Variants in AMBRA1 observed in about 807,000 individuals in gnomAD.
AMBRA1 encodes activating molecule in BECN1-regulated autophagy protein 1.
Under a neutral mutation model 125.4 loss-of-function variants are expected in AMBRA1, and 47 were observed. The ratio of observed to expected loss-of-function variants is 0.37; its 90% confidence interval spans 0.30 to 0.48. AMBRA1 has a LOEUF of 0.48. Ranked by LOEUF, AMBRA1 falls within the 20% of genes least tolerant of loss-of-function variation. The pLI is 0.99. For synonymous variants in AMBRA1, 626 were observed against 655.5 expected (o/e 0.95, Z 0.69); for missense variants, 1,331 against 1,693.4 (o/e 0.79, Z 3.76).
At chr11:46,445,107 ATT>A (rs1948219423) in intron 11 of AMBRA1, among the ~76,000 whole-genome samples, 1 of 151,998 alleles carries the variant, frequency 6.6e-6, no homozygotes, top group African/African-American at 2.4e-5. Context: ...TAGTGTAATC[ATT>A]TGTTCCCCTC....
chr11:46,486,805 C>T (rs1950281053), intron 11 of AMBRA1, among the ~76,000 whole-genome samples: 1 of 152,046 alleles, frequency 6.6e-6, no homozygotes, highest in Non-Finnish European at 1.5e-5. Flanking sequence ...ACTTGGGAGG[C>T]TGAGGCAGGA....
At chr11:46,568,549 G>T (rs2043625969) in intron 1 of AMBRA1, among the ~76,000 whole-genome samples, 1 of 151,744 alleles carries the variant, frequency 6.6e-6, no homozygotes, top group South Asian at 2.1e-4. Flanking sequence ...AAGGTGGGTG[G>T]ATCACCTGAG....
intron 11 of AMBRA1, among the ~76,000 whole-genome samples, chr11:46,484,607 A>G (rs749814786): frequency 1.3e-5 from 2 of 151,808 alleles, no homozygotes; most frequent in African/African-American, 4.8e-5. Flanking sequence ...GTGTATACGC[A>G]TTCCCTTTCC....
Position 46,408,683 on chromosome 11 carries a change from G to C in AMBRA1, c.3233C>G (p.Thr1078Arg). Residue 1078 changes from threonine to arginine, a missense_variant, in exon 17 of 18, where the codon ACA becomes AGA. Coordinates refer to ENST00000683756, the MANE Select transcript of AMBRA1 (RefSeq NM_001387011.1). Reference sequence around the variant, plus strand: ...ATTCATCAGCCCCATGTCTCTGTCTGTCCTCCATGTGGCTCTGCTGGTTCT... The same window carrying C: ...ATTCATCAGCCCCATGTCTCTGTCTCTCCTCCATGTGGCTCTGCTGGTTCT... ...RPGTSRATWR[T>R]DRDMGLMNAI... 1 of 1,566,338 alleles carries C rather than the reference G, an allele frequency of 6.4e-7. No individual in the cohort carries two copies. The highest frequency in any genetic ancestry group is 8.7e-7 in the Non-Finnish European group (1 of 1,152,486).
intron 9 of AMBRA1, among the ~76,000 whole-genome samples, chr11:46,505,943 G>A (rs1242310342): frequency 1.3e-5 from 2 of 152,162 alleles, no homozygotes; most frequent in Admixed American, 1.3e-4. Context: ...TGGAAAGAGG[G>A]CTAGGCAATC....
intron 7 of AMBRA1, among the ~76,000 whole-genome samples, 197 bp from the exon 8 acceptor site, chr11:46,513,010 G>A (rs1194109942): frequency 6.6e-6 from 1 of 152,128 alleles, no homozygotes; most frequent in Non-Finnish European, 1.5e-5. Context: ...TCCCACACTG[G>A]ACATGACCAC....
intron 15 of AMBRA1, among the ~76,000 whole-genome samples, chr11:46,412,061 C>T (rs900736569): frequency 6.6e-6 from 1 of 152,182 alleles, no homozygotes; most frequent in African/African-American, 2.4e-5. Flanking sequence ...TCTCCCAGCT[C>T]CTTTTAAGGG....
At chr11:46,439,385 TATATC>T (rs1278252215) in intron 12 of AMBRA1, among the ~76,000 whole-genome samples, 2 of 152,072 alleles carry the variant, frequency 1.3e-5, no homozygotes, top group East Asian at 3.9e-4. Context: ...AGTCCAGAAA[TATATC>T]TAAATACAGA....
chr11:46,494,624 A>T (rs528576703), intron 9 of AMBRA1: 1 of 154,322 alleles, frequency 6.5e-6, no homozygotes, highest in Non-Finnish European at 1.4e-5. Flanking sequence ...GAGGTCTTAA[A>T]GGAAGAAAAA....
chr11:46,493,873 T>C (rs1950546294), intron 10 of AMBRA1, 165 bp from the exon 11 acceptor site: 2 of 650,406 alleles, frequency 3.1e-6, no homozygotes, highest in Admixed American at 5.9e-5. Flanking sequence ...TGTATCTATC[T>C]TTTTCTGCCC....
chr11:46,536,093 T>C (rs1450319481), intron 7 of AMBRA1, among the ~76,000 whole-genome samples: 1 of 152,244 alleles, frequency 6.6e-6, no homozygotes. Context: ...GATATAGTAA[T>C]AGGTTTTTTA....
intron 17 of AMBRA1, among the ~76,000 whole-genome samples, chr11:46,400,472 A>ATTTTTTTT (rs1945688967): frequency 3.4e-5 from 1 of 29,466 alleles, no homozygotes; most frequent in African/African-American, 1.2e-4. Flanking sequence ...TTCTTTCTAT[A>ATTTTTTTT]GTTTTTTTTT....
At chr11:46,520,598 CTT>C (rs148775052) in intron 7 of AMBRA1, among the ~76,000 whole-genome samples, 13 of 140,356 alleles carry the variant, frequency 9.3e-5, no homozygotes, top group Admixed American at 2.1e-4. Context: ...TTTTTCTTTT[CTT>C]TTTTTTTTTT....
chr11:46,484,281 C>G (rs1950185770), intron 11 of AMBRA1, among the ~76,000 whole-genome samples: 1 of 152,184 alleles, frequency 6.6e-6, no homozygotes, highest in Non-Finnish European at 1.5e-5. Context: ...ATTTCTAGAT[C>G]ATTGCATTTG....
intron 11 of AMBRA1, among the ~76,000 whole-genome samples, chr11:46,468,720 G>A (rs1306129487): frequency 6.6e-6 from 1 of 151,540 alleles, no homozygotes; most frequent in East Asian, 1.9e-4. Flanking sequence ...GCTGAGGCAG[G>A]AGAATGGCGT....
At chr11:46,522,147 T>C (rs1230244131) in intron 7 of AMBRA1, among the ~76,000 whole-genome samples, 1 of 152,212 alleles carries the variant, frequency 6.6e-6, no homozygotes, top group African/African-American at 2.4e-5. Flanking sequence ...AAAAGTCTCG[T>C]CTGAGAAGTC....
chr11:46,480,960 C>G (rs908076031), intron 11 of AMBRA1, among the ~76,000 whole-genome samples: 8 of 152,312 alleles, frequency 5.3e-5, no homozygotes, highest in African/African-American at 1.9e-4. Flanking sequence ...CTCAACTAGG[C>G]TCCCCCTCAA....
intron 14 of AMBRA1, among the ~76,000 whole-genome samples, chr11:46,431,334 T>C (rs989996700): frequency 2.0e-5 from 3 of 152,340 alleles, no homozygotes; most frequent in Middle Eastern, 6.8e-3. Flanking sequence ...TCACCAAGCA[T>C]GCAGCTGCTG....
At chr11:46,546,452 C>T (rs1953023257) in intron 4 of AMBRA1, among the ~76,000 whole-genome samples, 1 of 152,068 alleles carries the variant, frequency 6.6e-6, no homozygotes, top group Non-Finnish European at 1.5e-5. Context: ...TGATCATGAT[C>T]GGAGTACAGG....
Sources: allele counts gnomAD v4.1 joint callset (sites outside exome capture counted in the v4.1 genomes callset), GRCh38; gene constraint gnomAD v4.1.1; transcripts MANE v1.5; gene names NCBI Gene and HGNC (gene_info 2026-07-23, HGNC 2026-07-21).